NEMP1: variants seen among roughly 807,000 people sequenced by gnomAD.
NEMP1 encodes the protein nuclear envelope integral membrane protein 1.
Under a neutral mutation model 53.7 loss-of-function variants are expected in NEMP1, and 29 were observed. The observed-to-expected ratio is 0.54, with a 90% CI of 0.40 to 0.74. The LOEUF (loss-of-function observed/expected upper bound fraction) is 0.74. NEMP1 is among the 30% of genes least tolerant of loss of function. The pLI is 0.00. For synonymous variants in NEMP1, 193 were observed against 192.9 expected (o/e 1.00, Z 0.00); for missense variants, 477 against 528.6 (o/e 0.90, Z 0.96).
chr12:57,072,194 T>C (rs2032382190), intron 2 of NEMP1, among the ~76,000 whole-genome samples: 1 of 152,112 alleles, frequency 6.6e-6, no homozygotes, highest in Non-Finnish European at 1.5e-5. Flanking sequence ...TCCCAACACC[T>C]TGGGAGGCCA....
chr12:57,078,268 C>A (rs993318915), intron 1 of NEMP1, among the ~76,000 whole-genome samples: 5 of 152,096 alleles, frequency 3.3e-5, no homozygotes, highest in African/African-American at 9.7e-5. Context: ...CTCTGCCTGC[C>A]CAGAATGGTC....
intron 1 of NEMP1, among the ~76,000 whole-genome samples, chr12:57,073,636 C>T (rs906119957): frequency 6.6e-6 from 1 of 152,052 alleles, no homozygotes; most frequent in Non-Finnish European, 1.5e-5. Context: ...AAGAGCAAAA[C>T]TCTGTCTCAA....
intron 1 of NEMP1, among the ~76,000 whole-genome samples, chr12:57,087,549 G>A (rs1470496178): frequency 1.3e-5 from 2 of 152,122 alleles, no homozygotes; most frequent in Non-Finnish European, 2.9e-5. Context: ...ACTGGGAGAC[G>A]GGACTCTGCT....
upstream of NEMP1, among the ~76,000 whole-genome samples, chr12:57,080,571 T>C (rs2032817682): frequency 8.7e-6 from 1 of 115,172 alleles, no homozygotes; most frequent in African/African-American, 3.5e-5. Flanking sequence ...AGAGCAAGAC[T>C]CTGTCTCAAA....
intron 1 of NEMP1, among the ~76,000 whole-genome samples, chr12:57,074,324 C>T (rs1265218233): frequency 1.4e-5 from 2 of 140,034 alleles, no homozygotes; most frequent in Non-Finnish European, 3.1e-5. Context: ...CAGGGTCTCA[C>T]TCTGTCACCC....
chr12:57,070,290 TGTA>T (rs1362402195), intron 3 of NEMP1, among the ~76,000 whole-genome samples: 2 of 152,368 alleles, frequency 1.3e-5, no homozygotes, highest in African/African-American at 2.4e-5. Flanking sequence ...CGTCTTTAAA[TGTA>T]GGCATGTACA....
chr12:57,084,422 C>A (rs1290540420), intron 1 of NEMP1, among the ~76,000 whole-genome samples: 1 of 152,116 alleles, frequency 6.6e-6, no homozygotes, highest in Non-Finnish European at 1.5e-5. Flanking sequence ...ACCCTAAACC[C>A]TCATTCTCTC....
At chr12:57,081,480 T>C (rs2032844263), upstream of NEMP1, among the ~76,000 whole-genome samples, 1 of 151,876 alleles carries the variant, frequency 6.6e-6, no homozygotes, top group Non-Finnish European at 1.5e-5. Context: ...CGACCTCAGG[T>C]GATTTGCCCG....
chr12:57,065,849 AC>A lies in NEMP1; in HGVS notation c.546-1111del, dbSNP rs112976391. On this transcript the variant is annotated intron_variant, in intron 4 of 8. Coordinates refer to ENST00000300128, the MANE Select transcript of NEMP1 (RefSeq NM_001130963.2). ...CAGCTTCTTTCCTTAAATCTCATGAACCAAGAACCTTCACTAGCTGTAAACT... is the reference window on the plus strand; with the variant it reads ...CAGCTTCTTTCCTTAAATCTCATGAACAAGAACCTTCACTAGCTGTAAACT... Among the ~76,000 whole-genome samples, 945 of 152,124 alleles carry A rather than the reference AC, an allele frequency of 6.2e-3. 14 individuals carry two copies. Among genetic ancestry groups the A allele is most frequent in the African/African-American group, 0.021 (880 of 41,488 alleles).
chr12:57,081,327 TC>T (rs1243020957), upstream of NEMP1, among the ~76,000 whole-genome samples: 2 of 151,776 alleles, frequency 1.3e-5, no homozygotes, highest in Admixed American at 6.6e-5. Flanking sequence ...CACCGCAACC[TC>T]CCCCTCCCAG....
intron 1 of NEMP1, among the ~76,000 whole-genome samples, chr12:57,074,908 T>C (rs61937566): frequency 0.34 from 51,033 of 151,120 alleles, 10,669 homozygotes; most frequent in Non-Finnish European, 0.46. Flanking sequence ...GCCAACATGG[T>C]GAAACCCCGT....
At chr12:57,069,182 AG>A in intron 4 of NEMP1, 51 bp downstream of exon 4, 2 of 1,290,326 alleles carry the variant, frequency 1.5e-6, no homozygotes, top group Non-Finnish European at 2.1e-6. Flanking sequence ...TATAAAACGC[AG>A]GCAGGATAGG....
At position 57,064,634 on chromosome 12, in the gene NEMP1, T is replaced by A. The variant is rs1417165002; in HGVS notation, c.639+12A>T. The A allele has an allele frequency of 2.5e-6, 4 of 1,589,074 alleles. No homozygotes were observed. Among genetic ancestry groups the A allele is most frequent in the Non-Finnish European group, 3.4e-6 (4 of 1,163,352 alleles). On this transcript the variant is annotated intron_variant, in intron 5 of 8. Coordinates refer to ENST00000300128, the MANE Select transcript of NEMP1 (RefSeq NM_001130963.2). ...ATTCATTCTAGCTGCACATGAAGAT[T>A]CTGATACTTACCTTAGGCATAAACT...
At chr12:57,076,197 C>T (rs1038709150) in intron 1 of NEMP1, among the ~76,000 whole-genome samples, 3 of 152,138 alleles carry the variant, frequency 2.0e-5, no homozygotes, top group African/African-American at 7.2e-5. Context: ...GTACAAACCA[C>T]CAATATCCAA....
At chr12:57,084,875 T>C (rs985825706) in intron 1 of NEMP1, among the ~76,000 whole-genome samples, 7 of 152,240 alleles carry the variant, frequency 4.6e-5, no homozygotes, top group Admixed American at 3.3e-4. Context: ...GTAGTTTATT[T>C]TGTTTTTTGA....
At chr12:57,088,343 G>T (rs573680447), upstream of NEMP1, among the ~76,000 whole-genome samples, 1 of 152,290 alleles carries the variant, frequency 6.6e-6, no homozygotes, top group Admixed American at 6.5e-5. Flanking sequence ...TTCTGAGAGC[G>T]ACCCCCTCAG....
intron 1 of NEMP1, among the ~76,000 whole-genome samples, chr12:57,087,533 C>G (rs2033046243): frequency 6.6e-6 from 1 of 152,060 alleles, no homozygotes; most frequent in African/African-American, 2.4e-5. Context: ...AGTTGCGGGG[C>G]GGGGGACTGG....
intron 1 of NEMP1, among the ~76,000 whole-genome samples, chr12:57,075,530 A>ATAAT (rs1417779689): frequency 4.0e-5 from 6 of 150,612 alleles, no homozygotes; most frequent in Non-Finnish European, 5.9e-5. Context: ...AAATAAATAA[A>ATAAT]TAAATAGTTG....
intron 1 of NEMP1, among the ~76,000 whole-genome samples, chr12:57,085,372 C>T (rs1175494728): frequency 6.6e-6 from 1 of 152,132 alleles, no homozygotes; most frequent in Non-Finnish European, 1.5e-5. Flanking sequence ...CTGACTGCAT[C>T]ATCACCTCCT....
Sources: allele counts gnomAD v4.1 joint callset (sites outside exome capture counted in the v4.1 genomes callset), GRCh38; gene constraint gnomAD v4.1.1; transcripts MANE v1.5; gene names NCBI Gene and HGNC (gene_info 2026-07-23, HGNC 2026-07-21).